UBR3: variants seen among roughly 807,000 people sequenced by gnomAD.
UBR3 encodes E3 ubiquitin-protein ligase UBR3.
A neutral mutation model predicts 243.2 loss-of-function variants in UBR3; 85 were observed. That is an observed-to-expected ratio of 0.35 (90% CI 0.29 to 0.42). The LOEUF is 0.42. UBR3 is among the 10% of genes least tolerant of loss of function. UBR3 has a pLI of 1.00. For missense variants in UBR3, 1,686 were observed against 2,300.8 expected (o/e 0.73, Z 5.47); for synonymous variants, 748 against 799.8 (o/e 0.94, Z 1.09).
chr2:170,037,682 C>G (rs1261434258), intron 31 of UBR3, among the ~76,000 whole-genome samples: 2 of 152,180 alleles, frequency 1.3e-5, no homozygotes, highest in Non-Finnish European at 2.9e-5. Flanking sequence ...GCCACTGCAT[C>G]TGGCCTAACT....
At chr2:169,830,622 C>T (rs2081901722) in intron 1 of UBR3, among the ~76,000 whole-genome samples, 1 of 150,764 alleles carries the variant, frequency 6.6e-6, no homozygotes, top group Non-Finnish European at 1.5e-5. Flanking sequence ...AGCATTCTTA[C>T]TGGTTTTTCT....
At chr2:169,890,736 T>C (rs2084345918) in intron 5 of UBR3, among the ~76,000 whole-genome samples, 1 of 149,286 alleles carries the variant, frequency 6.7e-6, no homozygotes, top group African/African-American at 2.4e-5. Flanking sequence ...CAAAATTTGA[T>C]TTGTTGAACT....
chr2:169,989,732 TA>T (rs1347493327), intron 25 of UBR3, among the ~76,000 whole-genome samples: 1 of 152,214 alleles, frequency 6.6e-6, no homozygotes, highest in East Asian at 1.9e-4. Context: ...TAGTGGGGTT[TA>T]AAAATCATTT....
At chr2:170,069,720 TC>T (rs35894088) in intron 35 of UBR3, among the ~76,000 whole-genome samples, 23,516 of 151,882 alleles carry the variant, frequency 0.15, 1,988 homozygotes, top group Admixed American at 0.22. Context: ...TCAGATTCAT[TC>T]ATGTTGTGAT....
intron 30 of UBR3, among the ~76,000 whole-genome samples, chr2:170,025,346 G>T (rs144742934): frequency 2.6e-5 from 4 of 152,116 alleles, no homozygotes; most frequent in African/African-American, 9.7e-5. Flanking sequence ...TCTTTCTGAG[G>T]TATCAGAGAG....
intron 27 of UBR3, among the ~76,000 whole-genome samples, chr2:170,005,621 A>G (rs183758843): frequency 2.6e-5 from 4 of 152,228 alleles, no homozygotes; most frequent in Admixed American, 6.5e-5. Flanking sequence ...TAAATTTAAT[A>G]TTTTCAGATC....
intron 31 of UBR3, among the ~76,000 whole-genome samples, chr2:170,035,115 C>G (rs1458861525): frequency 1.3e-5 from 2 of 151,878 alleles, no homozygotes; most frequent in Non-Finnish European, 2.9e-5. Context: ...TTCTCCAGGA[C>G]TGTGGCTTGT....
chr2:170,081,467 T>A (rs1165847166), intron 38 of UBR3, among the ~76,000 whole-genome samples: 1 of 151,564 alleles, frequency 6.6e-6, no homozygotes, highest in Middle Eastern at 3.2e-3. Flanking sequence ...GCCACTGCAC[T>A]CCAGCCTGGG....
At chr2:170,059,720 A>G (rs960935253) in intron 33 of UBR3, among the ~76,000 whole-genome samples, 15 of 151,930 alleles carry the variant, frequency 9.9e-5, no homozygotes, top group African/African-American at 3.6e-4. Flanking sequence ...TCGTTTTTAT[A>G]GTTTAGAATC....
At chr2:169,968,322 G>T (rs940323571) in intron 24 of UBR3, among the ~76,000 whole-genome samples, 4 of 151,984 alleles carry the variant, frequency 2.6e-5, no homozygotes, top group Non-Finnish European at 4.4e-5. Flanking sequence ...ATGTTTGTAC[G>T]CATTAACCAA....
chr2:169,942,531 C>T lies in UBR3; in HGVS notation c.2702C>T (p.Pro901Leu), dbSNP rs1240516359. ...QSGKFPGNPW[P>L]PYKKRTSLHP... is the part of the protein sequence containing the mutation. ...GGAAAATTTCCTGGAAATCCCTGGC[C>T]TCCATATAAGAAAAGGACATCACTC... Residue 901 changes from proline to leucine, a missense_variant, in exon 20 of 39, where the codon CCT becomes CTT. Pro to Leu is a moderately conservative substitution (Grantham distance 98, BLOSUM62 -3). Coordinates refer to ENST00000272793, the MANE Select transcript of UBR3 (RefSeq NM_172070.4). The T allele has an allele frequency of 1.3e-6, 2 of 1,549,834 alleles. No individual in the cohort carries two copies. Among genetic ancestry groups the T allele is most frequent in the Admixed American group, 2.0e-5 (1 of 50,868 alleles).
intron 14 of UBR3, 139 bp from the exon 15 acceptor site, chr2:169,926,553 C>A: frequency 2.3e-6 from 2 of 857,004 alleles, no homozygotes; most frequent in South Asian, 1.9e-5. Flanking sequence ...TGAGGTTGCA[C>A]CAGCTTGGGT....
In UBR3 at chr2:169,895,165, C is replaced by A. The variant is rs2105327263; in HGVS notation, c.1106-16C>A. ...ACTTCAATCATTAACTGATAAATTT[C>A]ATTTTTCATGTGCAGATCAATCCAT... On this transcript the variant is annotated splice_polypyrimidine_tract_variant and intron_variant, in intron 6 of 38. Coordinates refer to ENST00000272793, the MANE Select transcript of UBR3 (RefSeq NM_172070.4). 1.3e-6 allele frequency: 2 copies of A among 1,486,950 alleles called. No individual in the cohort carries two copies. The highest frequency in any genetic ancestry group is 5.1e-5 in the East Asian group (2 of 39,326). 92.1% of individuals were successfully genotyped at this position (1,486,950 alleles called of 1,614,324 possible).
chr2:169,888,554 T>C (rs2084203544), intron 5 of UBR3, among the ~76,000 whole-genome samples: 1 of 152,232 alleles, frequency 6.6e-6, no homozygotes, highest in African/African-American at 2.4e-5. Flanking sequence ...GATGACAGTT[T>C]TGAACATCTA....
intron 1 of UBR3, among the ~76,000 whole-genome samples, chr2:169,871,899 CT>C (rs1553499570): frequency 6.6e-6 from 1 of 152,048 alleles, no homozygotes; most frequent in Non-Finnish European, 1.5e-5. Context: ...AAGTGATCAA[CT>C]TGTACTTAAT....
rs2089398675 is a variant in UBR3, at chr2:169,994,192, AG to A, written c.3785-127del. Reference sequence around the variant, plus strand: ...AGAAAACTAGAATACCACTTTTTTGAGGGGTCTTTAAAAATATTCTAATAGT... The same window carrying A: ...AGAAAACTAGAATACCACTTTTTTGAGGGTCTTTAAAAATATTCTAATAGT... On this transcript the variant is annotated intron_variant, in intron 25 of 38. Coordinates refer to ENST00000272793, the MANE Select transcript of UBR3 (RefSeq NM_172070.4). 7 of 1,015,394 alleles carry A rather than the reference AG, an allele frequency of 6.9e-6. No homozygotes were observed. The South Asian group carries it at 1.4e-4, about 20-fold the overall frequency. The allele number at this position is 1,015,394 out of a possible 1,614,324, so 62.9% of individuals were successfully genotyped here. A position where few individuals can be genotyped will look rare whatever the true frequency, so the allele number is the denominator to read the frequency against.
rs569559997 is a variant in UBR3, at chr2:170,055,862, AAC to A, written c.4785+282_4785+283del. On this transcript the variant is annotated intron_variant, in intron 33 of 38. Coordinates refer to ENST00000272793, the MANE Select transcript of UBR3 (RefSeq NM_172070.4). Reference sequence around the variant, plus strand: ...TTAGAGAAGTTATAAAAATTGTGCTAACACAGTGAGCACATGATAAAATATCT... The same window carrying A: ...TTAGAGAAGTTATAAAAATTGTGCTAACAGTGAGCACATGATAAAATATCT... Among the ~76,000 whole-genome samples the A allele has an allele frequency of 9.7e-3, 1,476 of 152,260 alleles. 8 individuals are homozygous for A. Among genetic ancestry groups the A allele is most frequent in the Non-Finnish European group, 0.015 (1,045 of 68,014 alleles).
At chr2:170,026,385 G>A (rs1257717359) in intron 30 of UBR3, among the ~76,000 whole-genome samples, 1 of 151,990 alleles carries the variant, frequency 6.6e-6, no homozygotes, top group African/African-American at 2.4e-5. Context: ...AACCATGTAT[G>A]TATCTGCCTG....
Position 169,926,966 on chromosome 2 carries a change from A to G in UBR3, c.2333A>G (p.His778Arg). The G allele has an allele frequency of 6.4e-7, 1 of 1,550,458 alleles. No homozygotes were observed. Among genetic ancestry groups the G allele is most frequent in the Middle Eastern group, 1.7e-4 (1 of 5,794 alleles). ...FLVILLSLRL[H>R]LGMSDDEILR... ...GTGATTCTTTTGAGTCTTCGTTTAC[A>G]TTTAGGTAAAACTCACTGATACTAA... Residue 778 changes from histidine to arginine, a missense_variant, in exon 16 of 39, where the codon CAT becomes CGT. By Grantham distance (29) the His-to-Arg change is conservative. This residue lies in a region of UBR3 where 346 missense variants were observed against 585.8 expected (regional missense o/e 0.59). Coordinates refer to ENST00000272793, the MANE Select transcript of UBR3 (RefSeq NM_172070.4).
Sources: allele counts gnomAD v4.1 joint callset (sites outside exome capture counted in the v4.1 genomes callset), GRCh38; gene constraint gnomAD v4.1.1; regional missense constraint gnomAD v4.1.1; transcripts MANE v1.5; gene names NCBI Gene and HGNC (gene_info 2026-07-23, HGNC 2026-07-21).